The following PIEZO1 variants were observed in gnomAD, a reference collection of about 807,000 sequenced individuals.
PIEZO1 encodes the protein piezo type mechanosensitive ion channel component 1 (Er blood group).
In PIEZO1, 296 loss-of-function variants were observed where a neutral mutation model predicts 297.2. The ratio of observed to expected loss-of-function variants is 1.00; its 90% CI spans 0.91 to 1.10. The LOEUF is 1.10. PIEZO1 is among the 50% of genes least tolerant of loss of function. The pLI is 0.00. For missense variants in PIEZO1, 5,018 were observed against 3,455.5 expected (o/e 1.45, Z -11.34); for synonymous variants, 2,427 against 1,507.5 (o/e 1.61, Z -14.13).
chr16:88,775,659 G>A (rs1907623019), intron 1 of PIEZO1, among the ~76,000 whole-genome samples: 1 of 151,450 alleles, frequency 6.6e-6, no homozygotes. Flanking sequence ...AACCAGGGAG[G>A]CGGAGGGTGC....
Position 88,721,800 on chromosome 16 carries a change from C to T in PIEZO1, c.5214+8G>A, listed in dbSNP as rs536629081. The stretch of plus-strand genomic sequence containing the variant: ...CCGGGCGCCCCCTCCCCCGCGGCCT[C>T]GGCCCACCTCGGTGAAGACGATGGC... On this transcript the variant is annotated splice_region_variant and intron_variant, in intron 37 of 50. Transcript: ENST00000301015. 2.6e-4 allele frequency: 401 copies of T among 1,540,502 alleles called. 1 individual carries two copies. Among genetic ancestry groups the T allele is most frequent in the Non-Finnish European group, 3.3e-4 (375 of 1,143,328 alleles).
At position 88,734,196 on chromosome 16, in the gene PIEZO1, C is replaced by T. The variant is rs778081889; in HGVS notation, c.2181-142G>A. On this transcript the variant is annotated intron_variant, in intron 16 of 50. Coordinates refer to ENST00000301015, the MANE Select transcript of PIEZO1 (RefSeq NM_001142864.4). ...CTGTGTCGCAACTCATGCCCACTGT[C>T]CCTGTGACCTCCACGCTACTGCCAT... 1.6e-6 allele frequency: 2 copies of T among 1,217,374 alleles called. 1 individual carries two copies. The highest frequency in any genetic ancestry group is 3.1e-5 in the South Asian group (2 of 65,000). 75.4% of individuals were successfully genotyped at this position (1,217,374 alleles called of 1,614,324 possible).
intron 23 of PIEZO1, 100 bp downstream of exon 23, chr16:88,727,457 C>G: frequency 1.6e-6 from 1 of 643,150 alleles, no homozygotes; most frequent in South Asian, 2.0e-5. Flanking sequence ...GACCACACCT[C>G]CGCCCGTGCA....
chr16:88,744,016 G>A (rs1905873007), intron 2 of PIEZO1: 1 of 205,716 alleles, frequency 4.9e-6, no homozygotes, highest in Non-Finnish European at 1.0e-5. Flanking sequence ...GGGCCTCCCT[G>A]CCCCGAACCC....
chr16:88,734,769 G>C lies in PIEZO1; in HGVS notation c.1878C>G (p.Leu626=). The C allele has an allele frequency of 6.5e-7, 1 of 1,550,366 alleles. No individual in the cohort carries two copies. The highest frequency in any genetic ancestry group is 8.7e-7 in the Non-Finnish European group (1 of 1,146,940). The part of the protein sequence containing the change: ...QVYYSLWRKL[L]KAFWWLVVAY... ...CCACCACGAGCCACCAGAAGGCCTT[G>C]AGCAGCTTCCGCCACAGGCTGTAGT... is the stretch of plus-strand genomic sequence containing the variant. The change falls in exon 15 of 51, where the codon CTC becomes CTG. Residue 626 remains leucine, a synonymous_variant. Transcript: ENST00000301015.
intron 1 of PIEZO1, among the ~76,000 whole-genome samples, chr16:88,780,969 GA>G (rs1907907062): frequency 6.6e-6 from 1 of 152,124 alleles, no homozygotes; most frequent in African/African-American, 2.4e-5. Flanking sequence ...AGAAAAAAGA[GA>G]AAAAAGCCTA....
chr16:88,770,896 G>C (rs1907394734), intron 1 of PIEZO1, among the ~76,000 whole-genome samples: 1 of 152,234 alleles, frequency 6.6e-6, no homozygotes, highest in Non-Finnish European at 1.5e-5. Flanking sequence ...TGGGCGAGGA[G>C]CTCTAACTAT....
chr16:88,755,503 G>A lies in PIEZO1; in HGVS notation c.65-6024C>T, dbSNP rs994260381. On this transcript the variant is annotated intron_variant, in intron 1 of 50. Coordinates refer to ENST00000301015, the MANE Select transcript of PIEZO1 (RefSeq NM_001142864.4). Reference sequence around the variant, plus strand: ...GCACATTCCTCCCAGGGCACGATACGAGCCCCAGATCGGGCGTTTGGGTTC... The same window carrying A: ...GCACATTCCTCCCAGGGCACGATACAAGCCCCAGATCGGGCGTTTGGGTTC... Among the ~76,000 whole-genome samples the A allele has an allele frequency of 3.3e-5, 5 of 152,316 alleles. 1 individual carries two copies.
At chr16:88,725,389 T>C (rs1012183987) in intron 29 of PIEZO1, 27 bp downstream of exon 29, 3 of 1,325,738 alleles carry the variant, frequency 2.3e-6, no homozygotes, top group African/African-American at 1.5e-5. Flanking sequence ...CACGGGGCCC[T>C]GGGTGCCCGA....
rs1308916538 is a variant in PIEZO1 at position 88,735,071 on chromosome 16, G to T, written c.1670-18C>A. On this transcript the variant is annotated intron_variant, in intron 13 of 50. Transcript: ENST00000301015. The stretch of plus-strand genomic sequence containing the variant: ...CGTGGGCTCTGTGGGCCAAGCCAGG[G>T]GCAGGCGATGGCATCAGGGCGGGCA... 6.5e-7 allele frequency: 1 copy of T among 1,550,112 alleles called. No individual in the cohort carries two copies. The highest frequency in any genetic ancestry group is 8.7e-7 in the Non-Finnish European group (1 of 1,146,756).
At chr16:88,762,513 G>A (rs1906978827) in intron 1 of PIEZO1, among the ~76,000 whole-genome samples, 1 of 152,106 alleles carries the variant, frequency 6.6e-6, no homozygotes, top group African/African-American at 2.4e-5. Context: ...TGTGTCTGGG[G>A]AGGAGAAGGG....
intron 2 of PIEZO1, 142 bp downstream of exon 2, chr16:88,749,239 CAAA>C (rs112962992): frequency 1.1e-4 from 52 of 455,520 alleles, no homozygotes; most frequent in South Asian, 1.8e-4. Flanking sequence ...GACTCCGTCT[CAAA>C]AAAAAAAAAA....
At position 88,717,012 on chromosome 16, in the gene PIEZO1, C is replaced by T; in HGVS notation, c.6660+11G>A. On this transcript the variant is annotated intron_variant, in intron 45 of 50. Coordinates refer to ENST00000301015, the MANE Select transcript of PIEZO1 (RefSeq NM_001142864.4). The stretch of plus-strand genomic sequence containing the variant: ...GGATGGGAATGGACAGGCGGACCCA[C>T]ACATGCTCACCTCATAGCCGCCCAG... The T allele has an allele frequency of 6.5e-7, 1 of 1,550,238 alleles. No individual in the cohort carries two copies. Among genetic ancestry groups the T allele is most frequent in the South Asian group, 1.2e-5 (1 of 84,052 alleles).
chr16:88,766,638 G>A (rs543653908), intron 1 of PIEZO1, among the ~76,000 whole-genome samples: 7 of 152,330 alleles, frequency 4.6e-5, no homozygotes, highest in Admixed American at 2.0e-4. Context: ...CACAGGGCTG[G>A]GGCGAGTGGG....
At chr16:88,764,754 A>G (rs1196636650) in intron 1 of PIEZO1, among the ~76,000 whole-genome samples, 1 of 149,612 alleles carries the variant, frequency 6.7e-6, no homozygotes, top group Non-Finnish European at 1.5e-5. Flanking sequence ...TCCGTCTCAA[A>G]AAAAAAAAAA....
intron 1 of PIEZO1, among the ~76,000 whole-genome samples, chr16:88,775,116 G>A (rs1287082235): frequency 6.6e-6 from 1 of 152,192 alleles, no homozygotes; most frequent in Non-Finnish European, 1.5e-5. Context: ...ACGGAGTGAG[G>A]GGACCAGGGA....
intron 1 of PIEZO1, among the ~76,000 whole-genome samples, chr16:88,760,147 G>A (rs983289739): frequency 2.7e-5 from 4 of 150,242 alleles, no homozygotes; most frequent in African/African-American, 7.5e-5. Context: ...CTCGGACCTC[G>A]CCGGCGGGGC....
In PIEZO1 at chr16:88,736,125, C is replaced by T. The variant is rs150907302; in HGVS notation, c.1557+23G>A. On this transcript the variant is annotated intron_variant, in intron 12 of 50. Coordinates refer to ENST00000301015, the MANE Select transcript of PIEZO1 (RefSeq NM_001142864.4). ...ATGGGTCTGCGCACCCAGGCACCCC[C>T]GGATGTGGTGGTGCACACTCACCAT... 593 of 1,527,646 alleles carry T rather than the reference C, an allele frequency of 3.9e-4. 1 individual carries two copies. In the African/African-American group the frequency reaches 6.9e-3, roughly 18 times the overall value. 94.6% of individuals were successfully genotyped at this position (1,527,646 alleles called of 1,614,324 possible).
Position 88,726,876 on chromosome 16 carries a change from T to C in PIEZO1, c.3538A>G (p.Thr1180Ala). 2 of 1,550,172 alleles carry C rather than the reference T, an allele frequency of 1.3e-6. No individual in the cohort carries two copies. Among genetic ancestry groups the C allele is most frequent in the Non-Finnish European group, 1.7e-6 (2 of 1,146,880 alleles). Reference protein sequence around the residue: ...VLVVVFVTGATRISIFGLGYL... With the variant: ...VLVVVFVTGAARISIFGLGYL... The stretch of plus-strand genomic sequence containing the variant: ...CCCAGCCCGAAGATGCTGATGCGGG[T>C]GGCCCCCGTGACAAACACCACCACC... The change falls in exon 25 of 51, where the codon ACC becomes GCC. Residue 1180 changes from threonine to alanine, a missense_variant. Physicochemically the swap from Thr to Ala is moderately conservative, Grantham distance 58. Transcript: ENST00000301015.
Sources: gnomAD v4.1 joint callset for allele counts (sites outside exome capture counted in the v4.1 genomes callset) on GRCh38, gnomAD v4.1.1 for gene constraint, MANE v1.5 for transcripts, NCBI Gene and HGNC (gene_info 2026-07-23, HGNC 2026-07-21) for gene names.